Variants in HDAC11 observed in about 807,000 individuals in gnomAD.
HDAC11 encodes histone deacetylase 11.
In HDAC11, 23 loss-of-function variants were observed where a neutral mutation model predicts 41.1. The observed-to-expected ratio is 0.56, with a 90% CI of 0.40 to 0.79. The LOEUF (loss-of-function observed/expected upper bound fraction) is 0.79, where lower values mean the gene tolerates loss of function less well. Ranked by LOEUF, HDAC11 falls within the 30% of genes least tolerant of loss-of-function variation. The pLI is 0.00. For missense variants in HDAC11, 402 were observed against 477.3 expected (o/e 0.84, Z 1.47); for synonymous variants, 187 against 186.6 (o/e 1.00, Z -0.02).
intron 3 of HDAC11, among the ~76,000 whole-genome samples, chr3:13,492,761 C>T (rs1197839969): frequency 6.6e-6 from 1 of 152,094 alleles, no homozygotes; most frequent in Non-Finnish European, 1.5e-5. Context: ...CCAGGCTGGT[C>T]GTGAACTCTG....
intron 1 of HDAC11, 173 bp from the exon 2 acceptor site, chr3:13,481,073 G>A: frequency 1.5e-6 from 1 of 655,084 alleles, no homozygotes; most frequent in East Asian, 2.8e-5. Context: ...ATTGGAATTG[G>A]GTTCCGGGAA....
chr3:13,493,666 A>G (rs1559376064), intron 3 of HDAC11, among the ~76,000 whole-genome samples: 1 of 152,238 alleles, frequency 6.6e-6, no homozygotes, highest in East Asian at 1.9e-4. Flanking sequence ...CCACTGCTGC[A>G]CCAGGAGAAG....
At position 13,504,282 on chromosome 3, in the gene HDAC11, G is replaced by T; in HGVS notation, c.828+10G>T. The T allele has an allele frequency of 6.2e-7, 1 of 1,612,360 alleles. No individual in the cohort carries two copies. The highest frequency in any genetic ancestry group is 8.5e-7 in the Non-Finnish European group (1 of 1,179,472). ...GTCCATCAGCCCAGCGGTACGTCCT[G>T]ACCCTTGGGGCCACGGGAGGGTCTG... is the stretch of plus-strand genomic sequence containing the variant. On this transcript the variant is annotated intron_variant, in intron 9 of 9. Coordinates refer to ENST00000295757, the MANE Select transcript of HDAC11 (RefSeq NM_024827.4).
At chr3:13,488,942 T>G (rs1701723114) in intron 3 of HDAC11, among the ~76,000 whole-genome samples, 1 of 151,856 alleles carries the variant, frequency 6.6e-6, no homozygotes. Context: ...TCCCCCCCAG[T>G]GTGGCCATCT....
rs1475366132 is a variant in HDAC11, at chr3:13,504,905, A to G, written c.*222A>G. On this transcript the variant is annotated 3_prime_UTR_variant, in exon 10 of 10. Transcript: ENST00000295757. ...GGGCAGAAGGCAGAGCCTGTGTCCC[A>G]GGGGGACCCACACGAAGTCACCAGC... 3.4e-6 allele frequency: 2 copies of G among 595,056 alleles called. No homozygotes were observed. The highest frequency in any genetic ancestry group is 5.6e-5 in the East Asian group (2 of 35,666). 36.9% of individuals were successfully genotyped at this position (595,056 alleles called of 1,614,324 possible).
chr3:13,487,107 A>AG (rs1559372265), intron 3 of HDAC11, among the ~76,000 whole-genome samples: 2 of 151,952 alleles, frequency 1.3e-5, no homozygotes, highest in African/African-American at 4.8e-5. Context: ...GACAGTCACG[A>AG]GGGGGTTTTC....
intron 3 of HDAC11, among the ~76,000 whole-genome samples, chr3:13,496,238 A>C (rs1375094648): frequency 6.6e-6 from 1 of 152,190 alleles, no homozygotes; most frequent in East Asian, 1.9e-4. Context: ...TCCGATTCCC[A>C]ATGGACAAAG....
intron 3 of HDAC11, among the ~76,000 whole-genome samples, chr3:13,489,371 G>A (rs1701743856): frequency 6.6e-6 from 1 of 151,762 alleles, no homozygotes; most frequent in Non-Finnish European, 1.5e-5. Flanking sequence ...TTTAGGCCTT[G>A]ATAAATTTTG....
chr3:13,483,637 G>T (rs1701427586), intron 3 of HDAC11, 73 bp downstream of exon 3: 10 of 1,233,116 alleles, frequency 8.1e-6, no homozygotes, highest in Non-Finnish European at 1.2e-5. Flanking sequence ...CCAGAGGCAG[G>T]AGGTGACTCA....
intron 5 of HDAC11, 95 bp from the exon 6 acceptor site, chr3:13,500,617 CA>C: frequency 1.0e-6 from 1 of 984,176 alleles, no homozygotes; most frequent in Non-Finnish European, 1.5e-6. Flanking sequence ...GAGAGCTGAG[CA>C]GGGAGGATGC....
Position 13,504,771 on chromosome 3 carries a change from C to A in HDAC11, c.*88C>A. 8.5e-7 allele frequency: 1 copy of A among 1,170,418 alleles called. No individual in the cohort carries two copies. The highest frequency in any genetic ancestry group is 1.3e-5 in the South Asian group (1 of 75,912). 72.5% of individuals were successfully genotyped at this position (1,170,418 alleles called of 1,614,324 possible). A position where few individuals can be genotyped will look rare whatever the true frequency, so the allele number is the denominator to read the frequency against. ...AACCTCATGGGGTGGTGGAGGCAGC[C>A]TTCAGTGAGCATGGAGGGGCAGGGC... On this transcript the variant is annotated 3_prime_UTR_variant, in exon 10 of 10. Transcript: ENST00000295757.
intron 2 of HDAC11, among the ~76,000 whole-genome samples, chr3:13,481,681 A>C (rs1469791849): frequency 6.6e-6 from 1 of 152,186 alleles, no homozygotes; most frequent in Non-Finnish European, 1.5e-5. Flanking sequence ...GGCACAGGGA[A>C]GGTGAAGCTT....
At position 13,485,737 on chromosome 3, in the gene HDAC11, A is replaced by G. The variant is rs1321109679; in HGVS notation, c.252+2173A>G. Among the ~76,000 whole-genome samples, 3 of 152,158 alleles carry G rather than the reference A, an allele frequency of 2.0e-5. No individual in the cohort carries two copies. The East Asian group carries it at 5.8e-4, about 29-fold the overall frequency. ...GAGTTTGAAGCTGTAGTGAGCTATG[A>G]TTGCACCACTGCACTCCAGCTGGTA... On this transcript the variant is annotated intron_variant, in intron 3 of 9. Coordinates refer to ENST00000295757, the MANE Select transcript of HDAC11 (RefSeq NM_024827.4).
rs1574880195 is a variant in HDAC11, at chr3:13,480,844, C to A, written c.3-402C>A. The A allele has an allele frequency of 7.6e-6, 3 of 396,270 alleles. No homozygotes were observed. The highest frequency in any genetic ancestry group is 1.6e-5 in the Non-Finnish European group (3 of 189,184). The allele number at this position is 396,270 out of a possible 1,614,324, so 24.5% of individuals were successfully genotyped here. A position where few individuals can be genotyped will look rare whatever the true frequency, so the allele number is the denominator to read the frequency against. On this transcript the variant is annotated intron_variant, in intron 1 of 9. Coordinates refer to ENST00000295757, the MANE Select transcript of HDAC11 (RefSeq NM_024827.4). This position sits in a 1 kb window ranked among gnomAD's most constrained non-coding sequence, Gnocchi z 4.6. Reference sequence around the variant, plus strand: ...CTCAGTTGCATTCTCTGAGTCCTCACAACAGCCACACATTTTGCAGCCGAA... The same window carrying A: ...CTCAGTTGCATTCTCTGAGTCCTCAAAACAGCCACACATTTTGCAGCCGAA...
At position 13,502,959 on chromosome 3, in the gene HDAC11, C is replaced by T. The variant is rs776055743; in HGVS notation, c.628C>T (p.Pro210Ser). ...IMDVYNRHIY[P>S]GDRFAKQAIR... ...GGATGTCTACAACCGCCACATCTAC[C>T]CAGGGGACCGCTTTGCCAAGCGTAA... Residue 210 changes from proline (P) to serine (S), a missense_variant, in exon 8 of 10, where the codon CCA (proline) becomes TCA (serine). Physicochemically the swap from Pro to Ser is moderately conservative, Grantham distance 74. Coordinates refer to ENST00000295757, the MANE Select transcript of HDAC11 (RefSeq NM_024827.4). The surrounding 1 kb of genome is among the most constrained non-coding windows in gnomAD (Gnocchi z 4.1). 6.2e-7 allele frequency: 1 copy of T among 1,613,632 alleles called. No individual in the cohort carries two copies. Among genetic ancestry groups the T allele is most frequent in the South Asian group, 1.1e-5 (1 of 91,072 alleles).
rs560815051 is a variant in HDAC11 at position 13,505,669 on chromosome 3, G to A, written c.*986G>A. 2.0e-5 allele frequency: 3 copies of A among 152,484 alleles called. No individual in the cohort carries two copies. Among genetic ancestry groups the A allele is most frequent in the South Asian group, 2.1e-4 (1 of 4,828 alleles). The allele number at this position is 152,484 out of a possible 1,614,324, so 9.4% of individuals were successfully genotyped here. ...CAGGGGTTCCTGGAGAGAGGGCAGC[G>A]AGGATCTCTATCCTGGCCTGGGGAT... On this transcript the variant is annotated 3_prime_UTR_variant, in exon 10 of 10. Transcript: ENST00000295757.
At chr3:13,499,422 G>A (rs776402124) in intron 5 of HDAC11, among the ~76,000 whole-genome samples, 1 of 152,018 alleles carries the variant, frequency 6.6e-6, no homozygotes, top group Non-Finnish European at 1.5e-5. Context: ...CGCCCACCTC[G>A]CTCGGCCTCC....
At chr3:13,484,733 C>A (rs1404890603) in intron 3 of HDAC11, among the ~76,000 whole-genome samples, 1 of 152,176 alleles carries the variant, frequency 6.6e-6, no homozygotes, top group Non-Finnish European at 1.5e-5. Flanking sequence ...TTGTAAAAGC[C>A]CACCTGTAGA....
intron 4 of HDAC11, among the ~76,000 whole-genome samples, chr3:13,497,281 C>T (rs1373491399): frequency 2.0e-5 from 3 of 151,554 alleles, no homozygotes; most frequent in Non-Finnish European, 2.9e-5. Context: ...TAGGTTCAAG[C>T]GATTCTCTTG....
Sources: allele counts gnomAD v4.1 joint callset (sites outside exome capture counted in the v4.1 genomes callset), GRCh38; gene constraint gnomAD v4.1.1; non-coding constraint Gnocchi (gnomAD v3.1); transcripts MANE v1.5; gene names NCBI Gene and HGNC (gene_info 2026-07-23, HGNC 2026-07-21).